Variants in ARHGAP24 observed in about 807,000 individuals in gnomAD.
The protein encoded by ARHGAP24 is Rho GTPase activating protein 24.
ARHGAP24 carries 50 observed loss-of-function variants against 76.4 expected under a neutral mutation model. That is an observed-to-expected ratio of 0.65 (90% CI 0.52 to 0.83). The LOEUF is 0.83. Ranked by LOEUF, ARHGAP24 falls within the 40% of genes least tolerant of loss-of-function variation. ARHGAP24 has a pLI of 0.00. For missense variants in ARHGAP24, 930 were observed against 914.2 expected (o/e 1.02, Z -0.22); for synonymous variants, 345 against 323.3 (o/e 1.07, Z -0.72).
At chr4:85,599,611 C>T (rs1036125460) in intron 2 of ARHGAP24, among the ~76,000 whole-genome samples, 1 of 152,008 alleles carries the variant, frequency 6.6e-6, no homozygotes, top group African/African-American at 2.4e-5. Flanking sequence ...CATGGCACCT[C>T]ATGATTTTAT....
intron 3 of ARHGAP24, among the ~76,000 whole-genome samples, chr4:85,810,981 CTA>C (rs1728990447): frequency 1.3e-5 from 2 of 152,114 alleles, no homozygotes; most frequent in Admixed American, 1.3e-4. Context: ...CCTGTAATGC[CTA>C]TACAAACATT....
At chr4:85,816,858 C>T (rs1302982259) in intron 3 of ARHGAP24, among the ~76,000 whole-genome samples, 1 of 152,144 alleles carries the variant, frequency 6.6e-6, no homozygotes, top group Non-Finnish European at 1.5e-5. Flanking sequence ...TCTGTAATGG[C>T]TGTACCAATT....
At chr4:85,534,927 TAAAA>T (rs200978740) in intron 1 of ARHGAP24, among the ~76,000 whole-genome samples, 3 of 99,900 alleles carry the variant, frequency 3.0e-5, no homozygotes, top group Non-Finnish European at 6.8e-5. Flanking sequence ...ATATTTACAG[TAAAA>T]AAAAAAAAAA....
chr4:85,907,380 A>T (rs1182189453), intron 3 of ARHGAP24, among the ~76,000 whole-genome samples: 1 of 152,234 alleles, frequency 6.6e-6, no homozygotes, highest in African/African-American at 2.4e-5. Flanking sequence ...ACAAAACCTA[A>T]GTAGACATAT....
At chr4:85,579,443 C>A (rs1323300465) in intron 2 of ARHGAP24, among the ~76,000 whole-genome samples, 2 of 149,604 alleles carry the variant, frequency 1.3e-5, no homozygotes, top group East Asian at 3.9e-4. Flanking sequence ...ATTTTTTTGC[C>A]CTTGATATAT....
At chr4:85,874,814 A>ATATAATTTATATATAAATATATTTT (rs1732743934) in intron 3 of ARHGAP24, among the ~76,000 whole-genome samples, 2 of 16,944 alleles carry the variant, frequency 1.2e-4, no homozygotes, top group African/African-American at 4.2e-4. Flanking sequence ...AAATATATTT[A>ATATAATTTATATATAAATATATTTT]TATATAATTT....
intron 1 of ARHGAP24, among the ~76,000 whole-genome samples, chr4:85,502,563 T>G (rs1723865603): frequency 6.6e-6 from 1 of 152,234 alleles, no homozygotes; most frequent in Non-Finnish European, 1.5e-5. Flanking sequence ...TTTTACACAT[T>G]GATTTTGTAT....
intron 5 of ARHGAP24, among the ~76,000 whole-genome samples, chr4:85,959,160 C>A (rs1431856789): frequency 1.3e-5 from 2 of 152,218 alleles, no homozygotes; most frequent in Admixed American, 6.5e-5. Flanking sequence ...ATATGCTAAA[C>A]AAGCGATGGA....
intron 2 of ARHGAP24, among the ~76,000 whole-genome samples, chr4:85,642,576 T>C (rs1191007414): frequency 1.7e-5 from 1 of 59,382 alleles, no homozygotes; most frequent in African/African-American, 9.8e-5. Context: ...CTCTTCTTTC[T>C]CTCACAATAG....
intron 2 of ARHGAP24, among the ~76,000 whole-genome samples, chr4:85,661,476 G>C (rs925306810): frequency 1.3e-5 from 2 of 151,940 alleles, no homozygotes; most frequent in African/African-American, 2.4e-5. Flanking sequence ...TAAGGTATGT[G>C]AAAGTTTTAT....
At chr4:85,508,228 C>T (rs965171314) in intron 1 of ARHGAP24, among the ~76,000 whole-genome samples, 1 of 151,918 alleles carries the variant, frequency 6.6e-6, no homozygotes, top group Admixed American at 6.6e-5. Context: ...AACATAAAAA[C>T]ATTTTCTGAA....
chr4:85,992,337 C>T (rs1394360797), intron 8 of ARHGAP24, among the ~76,000 whole-genome samples: 1 of 141,676 alleles, frequency 7.1e-6, no homozygotes, highest in Non-Finnish European at 1.5e-5. Context: ...GGAATCAAAG[C>T]TTCCCAAGAT....
chr4:85,783,979 C>G (rs966691973), intron 3 of ARHGAP24, among the ~76,000 whole-genome samples: 1 of 152,132 alleles, frequency 6.6e-6, no homozygotes, highest in Admixed American at 6.5e-5. Flanking sequence ...AAATCTTCAG[C>G]CTTTTCAACC....
At chr4:85,755,583 A>AG (rs1446834038) in intron 3 of ARHGAP24, among the ~76,000 whole-genome samples, 6 of 150,758 alleles carry the variant, frequency 4.0e-5, no homozygotes, top group Non-Finnish European at 7.4e-5. Flanking sequence ...TACTGACCTA[A>AG]GGGTGGAGGG....
At chr4:85,564,360 A>C (rs567946032) in intron 1 of ARHGAP24, among the ~76,000 whole-genome samples, 1 of 143,328 alleles carries the variant, frequency 7.0e-6, no homozygotes, top group African/African-American at 2.7e-5. Flanking sequence ...ACTTGGACAC[A>C]GGAAGGGGAA....
intron 8 of ARHGAP24, chr4:85,992,052 T>C (rs1740363040): frequency 7.6e-6 from 3 of 396,850 alleles, no homozygotes; most frequent in Non-Finnish European, 1.3e-5. Flanking sequence ...GAAGAATTGC[T>C]GGATCGTGTA....
At chr4:85,487,247 T>A (rs1723101156) in intron 1 of ARHGAP24, among the ~76,000 whole-genome samples, 3 of 127,730 alleles carry the variant, frequency 2.3e-5, no homozygotes, top group African/African-American at 9.1e-5. Context: ...ATATAGTAAA[T>A]ATATATTTAT....
At chr4:85,717,145 A>G (rs1311228837) in intron 2 of ARHGAP24, among the ~76,000 whole-genome samples, 1 of 152,074 alleles carries the variant, frequency 6.6e-6, no homozygotes, top group Non-Finnish European at 1.5e-5. Flanking sequence ...GTGCATGGGG[A>G]TGGGCCTTAT....
chr4:85,878,518 A>T (rs1560691216), intron 3 of ARHGAP24, among the ~76,000 whole-genome samples: 1 of 152,176 alleles, frequency 6.6e-6, no homozygotes, highest in East Asian at 1.9e-4. Context: ...TTGATAAAAA[A>T]TAATAATTTA....
Sources: gnomAD v4.1 joint callset for allele counts (sites outside exome capture counted in the v4.1 genomes callset) on GRCh38, gnomAD v4.1.1 for gene constraint, MANE v1.5 for transcripts, NCBI Gene and HGNC (gene_info 2026-07-23, HGNC 2026-07-21) for gene names.